Variants in EEFSEC observed in about 807,000 individuals in gnomAD.
EEFSEC encodes selenocysteine-specific elongation factor.
A neutral mutation model predicts 42.1 loss-of-function variants in EEFSEC; 43 were observed. The ratio of observed to expected loss-of-function variants is 1.02; its 90% confidence interval spans 0.80 to 1.32. EEFSEC has a LOEUF of 1.32. EEFSEC is among the 40% of genes most tolerant of loss of function. EEFSEC has a pLI of 0.00. For missense variants in EEFSEC, 745 were observed against 803.6 expected (o/e 0.93, Z 0.88); for synonymous variants, 354 against 339.1 (o/e 1.04, Z -0.48).
chr3:128,362,538 C>T (rs2067539977), intron 6 of EEFSEC, among the ~76,000 whole-genome samples: 1 of 152,214 alleles, frequency 6.6e-6, no homozygotes, highest in African/African-American at 2.4e-5. Flanking sequence ...GATAGGTGGC[C>T]CCTCTCCCAC....
the EEFSEC span, among the ~76,000 whole-genome samples, chr3:128,421,713 G>A: frequency 1.3e-5 from 2 of 152,192 alleles, no homozygotes; most frequent in Non-Finnish European, 2.9e-5. Context: ...CAGCCTGGTG[G>A]CCTGGGCCTA....
intron 4 of EEFSEC, among the ~76,000 whole-genome samples, chr3:128,285,527 C>T (rs908770713): frequency 6.6e-6 from 1 of 152,138 alleles, no homozygotes; most frequent in Non-Finnish European, 1.5e-5. Context: ...GGAGCACTGC[C>T]GTGTCCCCTC....
At chr3:128,407,042 G>T (rs900624107) in intron 6 of EEFSEC, among the ~76,000 whole-genome samples, 1 of 152,188 alleles carries the variant, frequency 6.6e-6, no homozygotes, top group African/African-American at 2.4e-5. Context: ...GGAACAACAC[G>T]TGACAGGCTT....
At chr3:128,335,969 G>T (rs927456702) in intron 4 of EEFSEC, among the ~76,000 whole-genome samples, 2 of 152,186 alleles carry the variant, frequency 1.3e-5, no homozygotes, top group Admixed American at 6.5e-5. Flanking sequence ...GAGACTTTAG[G>T]TTCTGGGCGT....
At chr3:128,288,136 T>C (rs1157338777) in intron 4 of EEFSEC, among the ~76,000 whole-genome samples, 1 of 152,216 alleles carries the variant, frequency 6.6e-6, no homozygotes, top group African/African-American at 2.4e-5. Flanking sequence ...TTGACTTCTG[T>C]ATTTCTTCTT....
intron 1 of EEFSEC, among the ~76,000 whole-genome samples, chr3:128,173,007 C>G (rs561442915): frequency 2.6e-5 from 4 of 152,322 alleles, no homozygotes; most frequent in Admixed American, 6.5e-5. Flanking sequence ...GTATGTGTGA[C>G]ATCCCTGTGG....
At chr3:128,394,434 A>G (rs1221492244) in intron 6 of EEFSEC, among the ~76,000 whole-genome samples, 1 of 151,988 alleles carries the variant, frequency 6.6e-6, no homozygotes, top group African/African-American at 2.4e-5. Context: ...TCATTATTCT[A>G]GACGGTTTTT....
At chr3:128,350,473 CAG>C (rs2067371379) in intron 5 of EEFSEC, among the ~76,000 whole-genome samples, 1 of 152,178 alleles carries the variant, frequency 6.6e-6, no homozygotes, top group Non-Finnish European at 1.5e-5. Flanking sequence ...CTTGAGAAAA[CAG>C]AGGTTCCCCT....
chr3:128,332,165 T>TAC (rs142501047), intron 4 of EEFSEC, among the ~76,000 whole-genome samples: 8 of 152,174 alleles, frequency 5.3e-5, no homozygotes, highest in East Asian at 3.9e-4. Context: ...ACATGTTATA[T>TAC]ACACACACAT....
chr3:128,406,973 A>C (rs2107641349), intron 6 of EEFSEC, among the ~76,000 whole-genome samples: 1 of 152,282 alleles, frequency 6.6e-6, no homozygotes, highest in East Asian at 1.9e-4. Context: ...TTGCAGCAGC[A>C]TGTTTAAGGA....
At chr3:128,394,132 C>CA (rs2107627580) in intron 6 of EEFSEC, among the ~76,000 whole-genome samples, 1 of 152,344 alleles carries the variant, frequency 6.6e-6, no homozygotes, top group East Asian at 1.9e-4. Context: ...TGGCCATCAG[C>CA]ACAGACACAG....
At chr3:128,161,547 G>C (rs1477596197) in intron 1 of EEFSEC, among the ~76,000 whole-genome samples, 2 of 152,166 alleles carry the variant, frequency 1.3e-5, no homozygotes, top group Non-Finnish European at 2.9e-5. Context: ...GAGCTGAGGA[G>C]GGCTGCAAAA....
At chr3:128,279,882 C>G (rs2066507782) in intron 4 of EEFSEC, among the ~76,000 whole-genome samples, 1 of 152,230 alleles carries the variant, frequency 6.6e-6, no homozygotes, top group Admixed American at 6.5e-5. Context: ...GTGTTTACCA[C>G]ACTGTTCTTA....
intron 5 of EEFSEC, among the ~76,000 whole-genome samples, chr3:128,350,136 T>G (rs1201992357): frequency 6.6e-6 from 1 of 152,204 alleles, no homozygotes; most frequent in African/African-American, 2.4e-5. Flanking sequence ...CTCGCCAGCT[T>G]TGAAGTCTGA....
chr3:128,381,710 G>C (rs1250466255), intron 6 of EEFSEC, among the ~76,000 whole-genome samples: 1 of 152,226 alleles, frequency 6.6e-6, no homozygotes, highest in Non-Finnish European at 1.5e-5. Context: ...GCGTGCCGTG[G>C]AGGAAGAGGG....
At chr3:128,384,101 C>T (rs2067809807) in intron 6 of EEFSEC, among the ~76,000 whole-genome samples, 1 of 152,178 alleles carries the variant, frequency 6.6e-6, no homozygotes, top group African/African-American at 2.4e-5. Context: ...CCAGGAAGCC[C>T]AGGCACAGAG....
At chr3:128,166,687 T>C (rs2065245304) in intron 1 of EEFSEC, among the ~76,000 whole-genome samples, 2 of 151,982 alleles carry the variant, frequency 1.3e-5, no homozygotes, top group African/African-American at 4.8e-5. Context: ...ACCTTCCTAG[T>C]GAAGGACACC....
At chr3:128,171,163 G>T (rs753400582) in intron 1 of EEFSEC, among the ~76,000 whole-genome samples, 1 of 152,228 alleles carries the variant, frequency 6.6e-6, no homozygotes, top group Non-Finnish European at 1.5e-5. Context: ...GATGATCAAT[G>T]TGTAGTTTCA....
At chr3:128,336,485 G>A (rs1400737309) in intron 4 of EEFSEC, among the ~76,000 whole-genome samples, 1 of 152,134 alleles carries the variant, frequency 6.6e-6, no homozygotes, top group Non-Finnish European at 1.5e-5. Context: ...TTGTCCCATG[G>A]CAATGGTGGC....
Sources: allele counts gnomAD v4.1 joint callset (sites outside exome capture counted in the v4.1 genomes callset), GRCh38; gene constraint gnomAD v4.1.1; transcripts MANE v1.5; gene names NCBI Gene and HGNC (gene_info 2026-07-23, HGNC 2026-07-21).